SPEF2: variants seen among roughly 807,000 people sequenced by gnomAD.
SPEF2 encodes the protein sperm flagellar and cilia associated 2.
SPEF2 carries 187 observed loss-of-function variants against 224.6 expected under a neutral mutation model. That is an observed-to-expected ratio of 0.83 (90% CI 0.74 to 0.94). The LOEUF (loss-of-function observed/expected upper bound fraction) is 0.94, where lower values mean the gene tolerates loss of function less well. Ranked by LOEUF, SPEF2 falls within the 40% of genes least tolerant of loss-of-function variation. The pLI, the probability that SPEF2 is intolerant of heterozygous loss-of-function variation, is 0.00. For synonymous variants in SPEF2, 715 were observed against 707.3 expected (o/e 1.01, Z -0.17); for missense variants, 2,170 against 2,135.6 (o/e 1.02, Z -0.32).
At position 35,687,863 on chromosome 5, in the gene SPEF2, A is replaced by T. The variant is rs542247350; in HGVS notation, c.1525-3174A>T. 2.0e-5 allele frequency among the ~76,000 whole-genome samples: 3 copies of T among 152,268 alleles called. No individual in the cohort carries two copies. In the East Asian group the frequency reaches 5.8e-4, roughly 29 times the overall value. ...TTGAAGCTTTCTATATACAGAATCT[A>T]TACATTTTTTGTTAATTCCGTTGAT... On this transcript the variant is annotated intron_variant, in intron 10 of 36. Transcript: ENST00000356031.
intron 23 of SPEF2, among the ~76,000 whole-genome samples, chr5:35,745,085 A>T (rs967491972): frequency 2.0e-5 from 3 of 152,192 alleles, no homozygotes; most frequent in African/African-American, 4.8e-5. Context: ...TAACAGAAGA[A>T]GTTTCTAACC....
chr5:35,743,681 C>T (rs1748027841), intron 23 of SPEF2, among the ~76,000 whole-genome samples: 1 of 143,548 alleles, frequency 7.0e-6, no homozygotes, highest in South Asian at 2.2e-4. Context: ...TTGAAATAAC[C>T]ACTCTATTCC....
Position 35,759,679 on chromosome 5 carries a change from G to A in SPEF2, c.3580G>A (p.Val1194Ile), listed in dbSNP as rs369084991. Residue 1194 changes from valine to isoleucine, a missense_variant, in exon 25 of 37, where the codon GTC (valine) becomes ATC (isoleucine). Physicochemically the swap from Val to Ile is conservative, Grantham distance 29. Coordinates refer to ENST00000356031, the MANE Select transcript of SPEF2 (RefSeq NM_024867.4). The stretch of plus-strand genomic sequence containing the variant: ...CAAGAGATTTACTCGAATCCCTTTG[G>A]TCCAACTGGATAGTAAAGACAATTC... ...DNKRFTRIPL[V>I]QLDSKDNSES... 6.2e-7 allele frequency: 1 copy of A among 1,606,998 alleles called. No homozygotes were observed. The highest frequency in any genetic ancestry group is 1.3e-5 in the African/African-American group (1 of 74,828).
chr5:35,727,426 GAAAAT>G (rs1251169258), intron 20 of SPEF2, among the ~76,000 whole-genome samples: 1 of 152,166 alleles, frequency 6.6e-6, no homozygotes, highest in Admixed American at 6.5e-5. Flanking sequence ...AAGGACAGAT[GAAAAT>G]AAAATATCAA....
intron 18 of SPEF2, 37 bp from the exon 19 acceptor site, chr5:35,708,911 T>A (rs1253031813): frequency 1.3e-6 from 2 of 1,542,250 alleles, no homozygotes; most frequent in African/African-American, 2.8e-5. Context: ...ATTTCTAGAG[T>A]CTCTAATGAA....
chr5:35,689,036 GA>G (rs756400330), intron 10 of SPEF2, among the ~76,000 whole-genome samples: 55 of 152,142 alleles, frequency 3.6e-4, no homozygotes, highest in Admixed American at 1.1e-3. Context: ...AAATAAACAG[GA>G]AAGCTTTCTA....
At chr5:35,682,852 G>A (rs1024205108) in intron 10 of SPEF2, among the ~76,000 whole-genome samples, 15 of 152,184 alleles carry the variant, frequency 9.9e-5, no homozygotes, top group African/African-American at 3.1e-4. Context: ...TGGCAAGAAT[G>A]AGAATGAGAT....
intron 21 of SPEF2, among the ~76,000 whole-genome samples, chr5:35,735,400 T>C (rs1468551360): frequency 6.6e-6 from 1 of 152,218 alleles, no homozygotes; most frequent in Non-Finnish European, 1.5e-5. Context: ...AGTCTGTCCT[T>C]CTCCAAAGAG....
At chr5:35,666,001 T>C (rs1374111605) in intron 8 of SPEF2, among the ~76,000 whole-genome samples, 1 of 152,158 alleles carries the variant, frequency 6.6e-6, no homozygotes, top group Non-Finnish European at 1.5e-5. Flanking sequence ...AGGAAATATT[T>C]GTTCTGATGA....
chr5:35,753,888 C>T, intron 24 of SPEF2, 127 bp downstream of exon 24: 1 of 1,125,198 alleles, frequency 8.9e-7, no homozygotes, highest in Non-Finnish European at 1.3e-6. Context: ...AGCACTATGC[C>T]TGGTATGAGC....
At chr5:35,734,703 T>C (rs1746252593) in intron 21 of SPEF2, among the ~76,000 whole-genome samples, 1 of 28,374 alleles carries the variant, frequency 3.5e-5, no homozygotes, top group Admixed American at 4.3e-4. Flanking sequence ...TTGCTTTCTT[T>C]TTTTTCTTTT....
intron 8 of SPEF2, among the ~76,000 whole-genome samples, chr5:35,663,230 C>A (rs1749983399): frequency 6.6e-6 from 1 of 152,098 alleles, no homozygotes; most frequent in Non-Finnish European, 1.5e-5. Flanking sequence ...TGTTATTTCT[C>A]AGACAATTTC....
At chr5:35,720,609 T>C (rs987165561) in intron 20 of SPEF2, among the ~76,000 whole-genome samples, 11 of 152,198 alleles carry the variant, frequency 7.2e-5, no homozygotes, top group African/African-American at 2.7e-4. Context: ...AGAAGTTTGG[T>C]TTTCTCCACG....
chr5:35,765,088 A>G (rs1015826073), intron 26 of SPEF2, among the ~76,000 whole-genome samples: 1 of 152,270 alleles, frequency 6.6e-6, no homozygotes, highest in Non-Finnish European at 1.5e-5. Context: ...AAAGGGGACC[A>G]ACATACTGCC....
chr5:35,718,826 C>A (rs1325247476), intron 20 of SPEF2, among the ~76,000 whole-genome samples: 1 of 152,130 alleles, frequency 6.6e-6, no homozygotes, highest in Non-Finnish European at 1.5e-5. Flanking sequence ...CCCCTGAATC[C>A]CCTAGATCCA....
At chr5:35,751,038 C>CGTATATAT (rs1458815123) in intron 23 of SPEF2, among the ~76,000 whole-genome samples, 1 of 27,224 alleles carries the variant, frequency 3.7e-5, no homozygotes, top group Admixed American at 5.2e-4. Flanking sequence ...TATATATACA[C>CGTATATAT]ATATGTATAT....
intron 11 of SPEF2, 47 bp downstream of exon 11, chr5:35,691,303 C>T: frequency 7.2e-7 from 1 of 1,394,860 alleles, no homozygotes. Flanking sequence ...CCTATTTACA[C>T]TGACTGTAGC....
At chr5:35,808,112 A>G in intron 36 of SPEF2, 1 of 998,870 alleles carries the variant, frequency 1.0e-6, no homozygotes, top group Non-Finnish European at 1.2e-6. Flanking sequence ...TATACCCACA[A>G]ATGAAACTAT....
chr5:35,772,014 A>G (rs1752925134), intron 27 of SPEF2, among the ~76,000 whole-genome samples: 1 of 152,196 alleles, frequency 6.6e-6, no homozygotes, highest in African/African-American at 2.4e-5. Flanking sequence ...TGAAATGTTA[A>G]AAGAACTTCC....
Sources: allele counts gnomAD v4.1 joint callset (sites outside exome capture counted in the v4.1 genomes callset), GRCh38; gene constraint gnomAD v4.1.1; transcripts MANE v1.5; gene names NCBI Gene and HGNC (gene_info 2026-07-23, HGNC 2026-07-21).